Variants in RNF150 observed in about 807,000 individuals in gnomAD.
The protein encoded by RNF150 is ring finger protein 150.
RNF150 carries 24 observed loss-of-function variants against 39.3 expected under a neutral mutation model. The observed-to-expected ratio is 0.61, with a 90% CI of 0.44 to 0.86. RNF150 has a LOEUF of 0.86. RNF150 is among the 40% of genes least tolerant of loss of function. The probability of loss-of-function intolerance (pLI) is 0.00; values close to 1 mark genes in which losing one functional copy is unlikely to be tolerated. For missense variants in RNF150, 502 were observed against 587.8 expected, an observed-to-expected ratio of 0.85 and a Z score of 1.51; for synonymous variants, 255 against 227.3, an observed-to-expected ratio of 1.12 and a Z score of -1.10.
Position 141,132,586 on chromosome 4 carries a change from C to T in RNF150, c.223G>A (p.Gly75Arg), listed in dbSNP as rs1469088008. 3.2e-6 allele frequency: 5 copies of T among 1,572,114 alleles called. No individual in the cohort carries two copies. The highest frequency in any genetic ancestry group is 4.3e-6 in the Non-Finnish European group (5 of 1,159,616). Residue 75 changes from glycine (G) to arginine (R), a missense_variant, in exon 1 of 7, where the codon GGG becomes AGG. Coordinates refer to ENST00000515673, the MANE Select transcript of RNF150 (RefSeq NM_020724.2). This position sits in a 1 kb window ranked among gnomAD's most constrained non-coding sequence, Gnocchi z 4.9. ...AELHTEKTECGRYGEHSPKQD... is the reference protein window; with the variant it reads ...AELHTEKTECRRYGEHSPKQD... ...TTGGGCGAGTGCTCTCCGTAGCGCC[C>T]GCACTCCGTCTTCTCCGTGTGCAGC...
intron 1 of RNF150, among the ~76,000 whole-genome samples, chr4:141,065,794 C>A (rs1737432552): frequency 6.6e-6 from 1 of 151,912 alleles, no homozygotes; most frequent in South Asian, 2.1e-4. Flanking sequence ...CTACTAAATG[C>A]CGACTCCCTC....
At chr4:140,882,927 AT>A (rs1329310634) in intron 6 of RNF150, among the ~76,000 whole-genome samples, 1 of 151,688 alleles carries the variant, frequency 6.6e-6, no homozygotes, top group African/African-American at 2.4e-5. Flanking sequence ...AGTACTTATT[AT>A]TTTCATTTTA....
chr4:141,100,972 A>C (rs1425699321), intron 1 of RNF150, among the ~76,000 whole-genome samples: 1 of 152,206 alleles, frequency 6.6e-6, no homozygotes, highest in Non-Finnish European at 1.5e-5. Context: ...CTAATCATGA[A>C]TGGCGCTTCT....
chr4:140,937,679 T>TTA (rs922770005), intron 4 of RNF150, among the ~76,000 whole-genome samples: 2 of 151,536 alleles, frequency 1.3e-5, no homozygotes, highest in African/African-American at 4.8e-5. Flanking sequence ...ATACAAATAT[T>TTA]TATATATATA....
At chr4:140,936,095 G>T (rs945903912) in intron 4 of RNF150, among the ~76,000 whole-genome samples, 2 of 152,160 alleles carry the variant, frequency 1.3e-5, no homozygotes, top group African/African-American at 2.4e-5. Flanking sequence ...ATTCATCTGT[G>T]CCTTGGTGTA....
intron 1 of RNF150, among the ~76,000 whole-genome samples, chr4:141,139,002 C>G (rs186907447): frequency 6.6e-6 from 1 of 152,182 alleles, no homozygotes; most frequent in East Asian, 1.9e-4. Context: ...GTCAGGAGTT[C>G]AAGACCAGCC....
intron 4 of RNF150, among the ~76,000 whole-genome samples, chr4:140,926,641 G>A (rs898046687): frequency 5.9e-5 from 9 of 152,172 alleles, no homozygotes; most frequent in Non-Finnish European, 7.3e-5. Flanking sequence ...GTAGGTAGCC[G>A]TCATATCTGC....
At chr4:141,064,865 G>A (rs1464735521) in intron 1 of RNF150, among the ~76,000 whole-genome samples, 2 of 151,924 alleles carry the variant, frequency 1.3e-5, no homozygotes, top group Non-Finnish European at 2.9e-5. Flanking sequence ...GACAATTTTT[G>A]TTTGTTTGTT....
At chr4:140,995,151 CT>C (rs1487510711) in intron 1 of RNF150, among the ~76,000 whole-genome samples, 1 of 152,218 alleles carries the variant, frequency 6.6e-6, no homozygotes, top group Non-Finnish European at 1.5e-5. Flanking sequence ...TTTCCAGCCT[CT>C]GGTAACCATC....
Position 140,964,186 on chromosome 4 carries a change from A to ATAC in RNF150, c.735+3434_735+3436dup, listed in dbSNP as rs1560989652. On this transcript the variant is annotated intron_variant, in intron 2 of 6. Transcript: ENST00000515673. ...GCAACACTAATATAAATAATCACAA[A>ATAC]TACTACAAAGTAGTGGCTAAGGGCA... 4.6e-5 allele frequency among the ~76,000 whole-genome samples: 7 copies of ATAC among 152,222 alleles called. No homozygotes were observed. The South Asian group carries it at 1.5e-3, about 32-fold the overall frequency.
chr4:141,103,711 C>G (rs1739099447), intron 1 of RNF150, among the ~76,000 whole-genome samples: 1 of 148,832 alleles, frequency 6.7e-6, no homozygotes, highest in African/African-American at 2.4e-5. Context: ...ATTATATAAC[C>G]CTCTGAATTT....
intron 1 of RNF150, among the ~76,000 whole-genome samples, chr4:141,142,874 CTT>C (rs780341978): frequency 5.6e-5 from 8 of 142,324 alleles, no homozygotes; most frequent in Admixed American, 1.4e-4. Context: ...TCTTTTTTCT[CTT>C]TTTTTTTTTT....
intron 6 of RNF150, among the ~76,000 whole-genome samples, chr4:140,903,555 C>T (rs952563753): frequency 6.6e-6 from 1 of 152,210 alleles, no homozygotes; most frequent in Non-Finnish European, 1.5e-5. Flanking sequence ...TGCTGCCTCA[C>T]TGCCGAGATC....
intron 1 of RNF150, among the ~76,000 whole-genome samples, chr4:140,991,680 C>A (rs1238211595): frequency 6.6e-6 from 1 of 152,088 alleles, no homozygotes; most frequent in Non-Finnish European, 1.5e-5. Context: ...AAGACAGTTA[C>A]ATATTTGGGT....
At chr4:140,949,179 T>C in intron 3 of RNF150, 122 bp downstream of exon 3, 2 of 645,584 alleles carry the variant, frequency 3.1e-6, no homozygotes, top group Non-Finnish European at 5.4e-6. Flanking sequence ...CAGATACTGA[T>C]AGGACAACTG....
intron 1 of RNF150, among the ~76,000 whole-genome samples, chr4:140,983,049 T>C (rs1289557729): frequency 6.6e-6 from 1 of 152,152 alleles, no homozygotes; most frequent in Non-Finnish European, 1.5e-5. Flanking sequence ...AAAAAATTAA[T>C]GCTATTTCTT....
At chr4:141,201,307 A>T (rs1161105276) in intron 1 of RNF150, among the ~76,000 whole-genome samples, 3 of 152,174 alleles carry the variant, frequency 2.0e-5, no homozygotes, top group Non-Finnish European at 4.4e-5. Context: ...AAGCATTTTC[A>T]TTTTATACCC....
chr4:141,147,317 A>G (rs1210527410), intron 1 of RNF150, among the ~76,000 whole-genome samples: 1 of 152,214 alleles, frequency 6.6e-6, no homozygotes, highest in Non-Finnish European at 1.5e-5. Flanking sequence ...ATGGCCATTC[A>G]ATGGACCTTC....
intron 6 of RNF150, among the ~76,000 whole-genome samples, chr4:140,906,488 G>A (rs1730379684): frequency 6.6e-6 from 1 of 152,030 alleles, no homozygotes; most frequent in African/African-American, 2.4e-5. Context: ...TGGTATCTTT[G>A]GGGGAAAGGG....
Sources: gnomAD v4.1 joint callset for allele counts (sites outside exome capture counted in the v4.1 genomes callset) on GRCh38, gnomAD v4.1.1 for gene constraint, Gnocchi (gnomAD v3.1) non-coding constraint, MANE v1.5 for transcripts, NCBI Gene and HGNC (gene_info 2026-07-23, HGNC 2026-07-21) for gene names.